The following DSCAML1 variants were observed in gnomAD, a reference collection of about 807,000 sequenced individuals.
The protein encoded by DSCAML1 is cell adhesion molecule DSCAML1.
Under a neutral mutation model 200.5 loss-of-function variants are expected in DSCAML1, and 38 were observed. That is an observed-to-expected ratio of 0.19 (90% CI 0.15 to 0.25). DSCAML1 has a LOEUF of 0.25. Ranked by LOEUF, DSCAML1 falls within the 10% of genes least tolerant of loss-of-function variation. DSCAML1 has a pLI of 1.00. For missense variants in DSCAML1, 2,223 were observed against 2,858.8 expected, an observed-to-expected ratio of 0.78 and a Z score of 5.07; for synonymous variants, 1,215 against 1,165.0, an observed-to-expected ratio of 1.04 and a Z score of -0.87.
At chr11:117,625,720 T>C (rs918635198) in intron 3 of DSCAML1, among the ~76,000 whole-genome samples, 25 of 152,246 alleles carry the variant, frequency 1.6e-4, no homozygotes, top group African/African-American at 6.0e-4. Flanking sequence ...CCCAAAATGC[T>C]GTTGGAAAAT....
chr11:117,612,463 C>G (rs2051716331), intron 3 of DSCAML1, among the ~76,000 whole-genome samples: 1 of 152,178 alleles, frequency 6.6e-6, no homozygotes, highest in African/African-American at 2.4e-5. Context: ...CCTAACACAC[C>G]ACTAGTCCCT....
chr11:117,454,319 T>G (rs1367352323), intron 19 of DSCAML1, among the ~76,000 whole-genome samples: 1 of 152,254 alleles, frequency 6.6e-6, no homozygotes, highest in Non-Finnish European at 1.5e-5. Context: ...TGAAGTTTAA[T>G]GTTTCTTACC....
chr11:117,760,591 G>C (rs1039021756), intron 3 of DSCAML1, among the ~76,000 whole-genome samples: 3 of 152,222 alleles, frequency 2.0e-5, no homozygotes, highest in Admixed American at 2.0e-4. Context: ...CATTGTGTGA[G>C]TATAACATAT....
In DSCAML1 at chr11:117,498,427, C is replaced by G. The variant is rs1032707924; in HGVS notation, c.2359+5418G>C. ...CTGGAAGCAGGGAATTCCCTGGGTA[C>G]CTGGACTGTGGTCTAGAAAGGGATT... On this transcript the variant is annotated intron_variant, in intron 11 of 32. Coordinates refer to ENST00000651296, the MANE Select transcript of DSCAML1 (RefSeq NM_020693.4). The surrounding 1 kb of genome is among the most constrained non-coding windows in gnomAD (Gnocchi z 4.0). Among the ~76,000 whole-genome samples the G allele has an allele frequency of 6.6e-6, 1 of 152,144 alleles. No individual in the cohort carries two copies. The highest frequency in any genetic ancestry group is 1.5e-5 in the Non-Finnish European group (1 of 68,030).
chr11:117,564,004 G>C (rs1023287735), intron 3 of DSCAML1, among the ~76,000 whole-genome samples: 3 of 152,214 alleles, frequency 2.0e-5, no homozygotes, highest in African/African-American at 7.2e-5. Context: ...GGCTGCAAGT[G>C]CCAAGGGCGT....
intron 1 of DSCAML1, among the ~76,000 whole-genome samples, chr11:117,813,757 C>A (rs71583168): frequency 6.6e-6 from 1 of 152,176 alleles, no homozygotes; most frequent in Non-Finnish European, 1.5e-5. Context: ...TAGGTTCCCA[C>A]GCCACCCCTA....
intron 3 of DSCAML1, among the ~76,000 whole-genome samples, chr11:117,627,791 A>G (rs2052084669): frequency 6.6e-6 from 1 of 152,124 alleles, no homozygotes; most frequent in Non-Finnish European, 1.5e-5. Flanking sequence ...TCTAGCTCAA[A>G]GCAGGACCCC....
chr11:117,434,319 C>A (rs1476557936), intron 27 of DSCAML1, among the ~76,000 whole-genome samples: 1 of 152,158 alleles, frequency 6.6e-6, no homozygotes, highest in African/African-American at 2.4e-5. Context: ...TCCATCCACC[C>A]ATTGATTCAA....
intron 11 of DSCAML1, among the ~76,000 whole-genome samples, chr11:117,499,457 T>G (rs943763924): frequency 1.3e-5 from 2 of 152,134 alleles, no homozygotes; most frequent in Non-Finnish European, 2.9e-5. Flanking sequence ...AAGGGACAAC[T>G]CACGGATGCA....
At chr11:117,705,506 T>G (rs939432093) in intron 3 of DSCAML1, among the ~76,000 whole-genome samples, 1 of 152,184 alleles carries the variant, frequency 6.6e-6, no homozygotes, top group Non-Finnish European at 1.5e-5. Context: ...GTAGATAATC[T>G]CTGTGATAAA....
intron 21 of DSCAML1, among the ~76,000 whole-genome samples, chr11:117,440,436 G>A (rs925095886): frequency 7.2e-5 from 11 of 152,140 alleles, no homozygotes; most frequent in African/African-American, 2.4e-4. Flanking sequence ...TCAAGAAGAG[G>A]GAATAGCACT....
chr11:117,814,950 G>A (rs977763313), intron 1 of DSCAML1, among the ~76,000 whole-genome samples: 3 of 152,252 alleles, frequency 2.0e-5, no homozygotes, highest in African/African-American at 7.2e-5. Flanking sequence ...GTTCCCGTGT[G>A]GGCTGGGTTT....
intron 3 of DSCAML1, among the ~76,000 whole-genome samples, chr11:117,644,650 A>G (rs10790198): frequency 0.55 from 83,205 of 152,114 alleles, 23,627 homozygotes; most frequent in Admixed American, 0.66. Context: ...GTCAGGGAGA[A>G]GCCGAGGGGG....
At chr11:117,523,608 ACT>A (rs1332993045) in intron 5 of DSCAML1, among the ~76,000 whole-genome samples, 1 of 151,998 alleles carries the variant, frequency 6.6e-6, no homozygotes, top group Non-Finnish European at 1.5e-5. Context: ...AACTCTCAAG[ACT>A]CTCTTGACTG....
intron 6 of DSCAML1, among the ~76,000 whole-genome samples, chr11:117,520,655 A>G (rs1260747687): frequency 6.6e-6 from 1 of 152,028 alleles, no homozygotes; most frequent in African/African-American, 2.4e-5. Context: ...GCCTCAGCCC[A>G]GGCGGGAGGA....
chr11:117,619,689 C>T (rs560609585), intron 3 of DSCAML1, among the ~76,000 whole-genome samples: 75 of 152,110 alleles, frequency 4.9e-4, no homozygotes, highest in Admixed American at 1.6e-3. Flanking sequence ...AAAATGGTTA[C>T]ATTTTGGGAA....
intron 2 of DSCAML1, among the ~76,000 whole-genome samples, chr11:117,777,745 T>C (rs1244638362): frequency 1.3e-5 from 2 of 149,060 alleles, no homozygotes; most frequent in African/African-American, 2.5e-5. Flanking sequence ...ACCTCCTGCC[T>C]CAGCTGGCTT....
At chr11:117,732,096 C>A (rs756219672) in intron 3 of DSCAML1, among the ~76,000 whole-genome samples, 2 of 152,224 alleles carry the variant, frequency 1.3e-5, no homozygotes, top group Non-Finnish European at 2.9e-5. Flanking sequence ...CACTGCCCCT[C>A]CCAGGGACAT....
At chr11:117,510,016 G>A (rs2049587290) in intron 8 of DSCAML1, among the ~76,000 whole-genome samples, 1 of 152,236 alleles carries the variant, frequency 6.6e-6, no homozygotes, top group Admixed American at 6.5e-5. Flanking sequence ...GTGCTGCAAT[G>A]GTGAAGAGGC....
Sources: gnomAD v4.1 joint callset for allele counts (sites outside exome capture counted in the v4.1 genomes callset) on GRCh38, gnomAD v4.1.1 for gene constraint, Gnocchi (gnomAD v3.1) non-coding constraint, MANE v1.5 for transcripts, NCBI Gene and HGNC (gene_info 2026-07-23, HGNC 2026-07-21) for gene names.